HIGD1C: variants seen among roughly 807,000 people sequenced by gnomAD.
HIGD1C encodes the protein HIG1 hypoxia inducible domain family member 1C, also known as HIG1 domain family member 1C.
HIGD1C carries 11 observed loss-of-function variants against 13.1 expected under a neutral mutation model. That is an observed-to-expected ratio of 0.84 (90% confidence interval 0.53 to 1.39). HIGD1C has a LOEUF of 1.39. Among genes scored for constraint, HIGD1C ranks in the 40% most tolerant of loss-of-function variants. The pLI, the probability that HIGD1C is intolerant of heterozygous loss-of-function variation, is 0.00. For missense variants in HIGD1C, 110 were observed against 112.0 expected (o/e 0.98, Z 0.08); for synonymous variants, 36 against 37.7 (o/e 0.95, Z 0.17).
At chr12:50,969,504 G>A (rs1322156591) in intron 2 of HIGD1C, among the ~76,000 whole-genome samples, 11 of 151,774 alleles carry the variant, frequency 7.2e-5, no homozygotes, top group South Asian at 2.1e-4. Flanking sequence ...GTTCAAGACC[G>A]GCCTGGCCAA....
chr12:50,934,585 G>A, the HIGD1C span, among the ~76,000 whole-genome samples: 4 of 152,214 alleles, frequency 2.6e-5, no homozygotes, highest in Non-Finnish European at 5.9e-5. Context: ...CTATAGATGA[G>A]GAAGAAGCTC....
At chr12:50,957,267 A>G (rs1033447572) in intron 1 of HIGD1C, among the ~76,000 whole-genome samples, 8 of 151,558 alleles carry the variant, frequency 5.3e-5, no homozygotes, top group African/African-American at 1.7e-4. Flanking sequence ...CTGGAGCGCA[A>G]TAGCACAATC....
chr12:50,958,576 C>T (rs1167591390), intron 1 of HIGD1C, among the ~76,000 whole-genome samples: 2 of 151,638 alleles, frequency 1.3e-5, no homozygotes, highest in African/African-American at 2.4e-5. Context: ...CCACCGCGCC[C>T]GGCCTAAAAT....
intron 2 of HIGD1C, among the ~76,000 whole-genome samples, chr12:50,964,384 T>G (rs868571576): frequency 6.6e-6 from 1 of 152,244 alleles, no homozygotes; most frequent in Admixed American, 6.5e-5. Context: ...ACCTGGATTA[T>G]TAGGCATCCT....
intron 2 of HIGD1C, among the ~76,000 whole-genome samples, chr12:50,965,107 G>A (rs1424808291): frequency 6.6e-6 from 1 of 151,804 alleles, no homozygotes; most frequent in Non-Finnish European, 1.5e-5. Context: ...TTTTATGTTT[G>A]TGGGTTTTTT....
chr12:50,942,914 G>A, the HIGD1C span, among the ~76,000 whole-genome samples: 416 of 151,098 alleles, frequency 2.8e-3, 1 homozygote, highest in African/African-American at 9.4e-3. Context: ...TGCCCAGGGC[G>A]GAGTGCAATG....
At chr12:50,955,430 G>A (rs929469289) in intron 1 of HIGD1C, among the ~76,000 whole-genome samples, 2 of 152,178 alleles carry the variant, frequency 1.3e-5, no homozygotes, top group Admixed American at 1.3e-4. Flanking sequence ...TTTGAAGTCT[G>A]AGCTTTCTCT....
intron 1 of HIGD1C, among the ~76,000 whole-genome samples, chr12:50,954,748 AAAAAACC>A (rs1340967402): frequency 6.6e-6 from 1 of 152,178 alleles, no homozygotes; most frequent in Admixed American, 6.5e-5. Context: ...ACAAATAAAC[AAAAAACC>A]AAAAACTTCT....
chr12:50,941,944 A>C, the HIGD1C span, among the ~76,000 whole-genome samples: 2 of 152,118 alleles, frequency 1.3e-5, no homozygotes, highest in African/African-American at 4.8e-5. Flanking sequence ...ACTGGAGTGC[A>C]GTGGTGCAAT....
intron 1 of HIGD1C, among the ~76,000 whole-genome samples, chr12:50,956,064 T>G (rs67420027): frequency 0.18 from 27,908 of 152,090 alleles, 2,931 homozygotes; most frequent in East Asian, 0.5. Context: ...ATTAAGGGAA[T>G]AGAGATAAGT....
chr12:50,954,999 T>C (rs1470905597), intron 1 of HIGD1C, among the ~76,000 whole-genome samples: 1 of 151,874 alleles, frequency 6.6e-6, no homozygotes, highest in African/African-American at 2.4e-5. Flanking sequence ...AAAGAAGTGA[T>C]ACTATAATTA....
the HIGD1C span, among the ~76,000 whole-genome samples, chr12:50,934,739 A>C: frequency 2.0e-5 from 3 of 152,204 alleles, no homozygotes; most frequent in African/African-American, 7.2e-5. Context: ...AGCCAAGTGA[A>C]AGGAGGAAAC....
chr12:50,943,279 A>G, the HIGD1C span, among the ~76,000 whole-genome samples: 2,085 of 152,236 alleles, frequency 0.014, 53 homozygotes, highest in African/African-American at 0.046. Flanking sequence ...TCTATACATG[A>G]TAACATTTGT....
chr12:50,965,371 C>A (rs1939502246), intron 2 of HIGD1C, among the ~76,000 whole-genome samples: 1 of 151,748 alleles, frequency 6.6e-6, no homozygotes, highest in South Asian at 2.1e-4. Flanking sequence ...AATCCTCCCA[C>A]CTCAGCCTCC....
At chr12:50,948,532 C>T in the HIGD1C span, among the ~76,000 whole-genome samples, 1 of 151,720 alleles carries the variant, frequency 6.6e-6, no homozygotes, top group Non-Finnish European at 1.5e-5. Context: ...TTTGACCCAG[C>T]AATTCCACTT....
upstream of HIGD1C, among the ~76,000 whole-genome samples, chr12:50,952,205 T>C (rs1938923218): frequency 6.6e-6 from 1 of 151,284 alleles, no homozygotes; most frequent in South Asian, 2.1e-4. Context: ...AATAAAAGAA[T>C]GCCCCAAATG....
At chr12:50,945,716 A>G in the HIGD1C span, among the ~76,000 whole-genome samples, 11 of 152,222 alleles carry the variant, frequency 7.2e-5, no homozygotes, top group Admixed American at 6.5e-5. Flanking sequence ...TCTTCACAGA[A>G]TTGGGAAAAA....
At chr12:50,949,818 C>T (rs913433223), upstream of HIGD1C, among the ~76,000 whole-genome samples, 3 of 152,050 alleles carry the variant, frequency 2.0e-5, no homozygotes, top group Non-Finnish European at 2.9e-5. Context: ...AAGGCGTGAG[C>T]AGTGAGACAA....
At chr12:50,968,959 A>G (rs1939655105) in intron 2 of HIGD1C, among the ~76,000 whole-genome samples, 1 of 152,110 alleles carries the variant, frequency 6.6e-6, no homozygotes, top group South Asian at 2.1e-4. Flanking sequence ...GATTACAGGC[A>G]TGAGCCCCCA....
Sources: allele counts gnomAD v4.1 joint callset (sites outside exome capture counted in the v4.1 genomes callset), GRCh38; gene constraint gnomAD v4.1.1; transcripts MANE v1.5; gene names NCBI Gene and HGNC (gene_info 2026-07-23, HGNC 2026-07-21).